The following GATM variants were observed in gnomAD, a reference collection of about 807,000 sequenced individuals.
GATM encodes glycine amidinotransferase.
GATM carries 23 observed loss-of-function variants against 54.2 expected under a neutral mutation model. That is an observed-to-expected ratio of 0.42 (90% CI 0.31 to 0.60). The LOEUF (loss-of-function observed/expected upper bound fraction) is 0.60, where lower values mean the gene tolerates loss of function less well. Among genes scored for constraint, GATM ranks in the 20% least tolerant of loss-of-function variants. GATM has a pLI of 0.14. For synonymous variants in GATM, 168 were observed against 183.1 expected, an observed-to-expected ratio of 0.92 and a Z score of 0.67; for missense variants, 401 against 544.9, an observed-to-expected ratio of 0.74 and a Z score of 2.63.
intron 3 of GATM, among the ~76,000 whole-genome samples, chr15:45,385,919 T>G (rs769480459): frequency 2.6e-5 from 4 of 152,382 alleles, no homozygotes; most frequent in African/African-American, 4.8e-5. Flanking sequence ...GTCTTTGTCC[T>G]GTCATTTCTA....
chr15:45,399,464 A>G (rs1422285411), intron 2 of GATM: 1 of 152,250 alleles, frequency 6.6e-6, no homozygotes, highest in Non-Finnish European at 1.5e-5. Context: ...TAGTGTGCTT[A>G]TAAAAGAAAC....
Position 45,368,161 on chromosome 15 carries a change from G to T in GATM, c.584C>A (p.Ala195Glu). 2.5e-6 allele frequency: 4 copies of T among 1,613,962 alleles called. No individual in the cohort carries two copies. Among genetic ancestry groups the T allele is most frequent in the Non-Finnish European group, 3.4e-6 (4 of 1,179,956 alleles). The change falls in exon 4 of 9, where the codon GCG (alanine) becomes GAG (glutamate). Residue 195 changes from alanine (A) to glutamate (E), a missense_variant. By Grantham distance (107) the Ala-to-Glu change is moderately radical. Transcript: ENST00000396659. The surrounding 1 kb of genome is among the most constrained non-coding windows in gnomAD (Gnocchi z 5.1). ...AWRSRFFEYRAYRSIIKDYFH... is the reference protein window; with the variant it reads ...AWRSRFFEYREYRSIIKDYFH... ...GTAGTCTTTGATAATTGACCTGTAC[G>T]CTCGGTACTCAAAGAAGCGTGAACG... is the stretch of plus-strand genomic sequence containing the variant.
At chr15:45,384,998 C>T (rs1173912785) in intron 3 of GATM, among the ~76,000 whole-genome samples, 1 of 152,178 alleles carries the variant, frequency 6.6e-6, no homozygotes, top group African/African-American at 2.4e-5. Flanking sequence ...GTGAGCCAAC[C>T]TTTCCCTTTC....
At chr15:45,383,251 G>A (rs1274785019), upstream of GATM, among the ~76,000 whole-genome samples, 1 of 152,170 alleles carries the variant, frequency 6.6e-6, no homozygotes, top group Non-Finnish European at 1.5e-5. Flanking sequence ...AGTCATTTTA[G>A]GATTTTTACT....
rs1889405487 is a variant in GATM, at chr15:45,363,913, C to T, written c.1146G>A (p.Met382Ile). ...VDANEVPIQK[M>I]FEKLGITTIK... ...TGTTGTACATACCCAGCTTTTCAAA[C>T]ATCTTTTGAATTGGAACTTCATTGG... is the stretch of plus-strand genomic sequence containing the variant. Residue 382 changes from methionine (M) to isoleucine (I), a missense_variant, in exon 8 of 9, where the codon ATG becomes ATA. Physicochemically the swap from Met to Ile is conservative, Grantham distance 10 (BLOSUM62 1). Around this residue, in one of 3 missense-constraint regions of GATM, gnomAD observed 321 missense variants for 457.5 expected, o/e 0.70. Transcript: ENST00000396659. 1 of 1,604,980 alleles carries T rather than the reference C, an allele frequency of 6.2e-7. No individual in the cohort carries two copies.
chr15:45,385,158 C>T (rs554118129), intron 3 of GATM, among the ~76,000 whole-genome samples: 2 of 152,276 alleles, frequency 1.3e-5, no homozygotes, highest in South Asian at 2.1e-4. Context: ...ATTGGTGCCA[C>T]GAAGATGCCA....
In GATM at chr15:45,362,226, A is replaced by C; in HGVS notation, c.1160-5T>G. On this transcript the variant is annotated splice_polypyrimidine_tract_variant and splice_region_variant and intron_variant, in intron 8 of 8. Coordinates refer to ENST00000396659, the MANE Select transcript of GATM (RefSeq NM_001482.3). Reference sequence around the variant, plus strand: ...TAACTTTAATGGTAGTGATACCTGCATTGAAAGAGAGATGAGGTCAGTTAG... The same window carrying C: ...TAACTTTAATGGTAGTGATACCTGCCTTGAAAGAGAGATGAGGTCAGTTAG... The C allele has an allele frequency of 6.5e-7, 1 of 1,540,580 alleles. No individual in the cohort carries two copies. Among genetic ancestry groups the C allele is most frequent in the Non-Finnish European group, 9.0e-7 (1 of 1,113,142 alleles).
chr15:45,364,217 T>C, intron 7 of GATM: 1 of 576,548 alleles, frequency 1.7e-6, no homozygotes. Context: ...AATTTCACCC[T>C]GTTTTCTTTT....
At chr15:45,363,223 G>A (rs1889395467) in intron 8 of GATM, among the ~76,000 whole-genome samples, 1 of 152,066 alleles carries the variant, frequency 6.6e-6, no homozygotes, top group Non-Finnish European at 1.5e-5. Context: ...AGTGAGCCGA[G>A]GTCACGCCAC....
At chr15:45,378,353 C>T (rs1889678800) in intron 1 of GATM, 32 bp downstream of exon 1, 5 of 1,497,298 alleles carry the variant, frequency 3.3e-6, no homozygotes, top group East Asian at 5.3e-5. Context: ...GTGAGTCACG[C>T]GGCCGCCAGA....
chr15:45,366,621 T>A lies in GATM; in HGVS notation c.676-113A>T, dbSNP rs539493413. ...ACATCATTTCCCAAAATATTACTAC[T>A]CAGTTCTAGACTAAAACATGCCTGG... On this transcript the variant is annotated intron_variant, in intron 4 of 8. Coordinates refer to ENST00000396659, the MANE Select transcript of GATM (RefSeq NM_001482.3). 3 of 1,184,646 alleles carry A rather than the reference T, an allele frequency of 2.5e-6. No individual in the cohort carries two copies. The African/African-American group carries it at 4.5e-5, about 18-fold the overall frequency. 73.4% of individuals were successfully genotyped at this position (1,184,646 alleles called of 1,614,324 possible). A position where few individuals can be genotyped will look rare whatever the true frequency, so the allele number is the denominator to read the frequency against.
At chr15:45,384,531 C>G (rs575882156) in intron 3 of GATM, among the ~76,000 whole-genome samples, 4 of 152,124 alleles carry the variant, frequency 2.6e-5, no homozygotes, top group African/African-American at 9.7e-5. Context: ...AAAGAAGGGA[C>G]AGCAGGAAGG....
intron 3 of GATM, among the ~76,000 whole-genome samples, chr15:45,383,925 C>T (rs776382071): frequency 6.6e-6 from 1 of 152,220 alleles, no homozygotes; most frequent in South Asian, 2.1e-4. Flanking sequence ...CAGATAAGAG[C>T]TTCACATGTT....
chr15:45,366,758 T>C (rs1188265414), intron 4 of GATM, among the ~76,000 whole-genome samples: 2 of 152,226 alleles, frequency 1.3e-5, no homozygotes, highest in Non-Finnish European at 2.9e-5. Flanking sequence ...TCACTTTCCA[T>C]GGTTTCAGTT....
chr15:45,369,772 C>A, intron 2 of GATM: 1 of 492,110 alleles, frequency 2.0e-6, no homozygotes, highest in Non-Finnish European at 3.7e-6. Context: ...ATCTCATGGC[C>A]AACCACTAAC....
intron 2 of GATM, among the ~76,000 whole-genome samples, chr15:45,370,856 C>T (rs376619647): frequency 1.3e-5 from 2 of 152,158 alleles, no homozygotes; most frequent in Admixed American, 6.5e-5. Flanking sequence ...CTGCAACCTC[C>T]GCCTCCCACC....
At chr15:45,374,928 T>C (rs1889604689) in intron 2 of GATM, among the ~76,000 whole-genome samples, 1 of 152,184 alleles carries the variant, frequency 6.6e-6, no homozygotes, top group Non-Finnish European at 1.5e-5. Context: ...TGTAACCCAT[T>C]ATTAATAGGA....
intron 2 of GATM, among the ~76,000 whole-genome samples, chr15:45,371,001 C>T (rs1889533780): frequency 6.6e-6 from 1 of 152,206 alleles, no homozygotes; most frequent in Admixed American, 6.5e-5. Flanking sequence ...TCTCAATCTC[C>T]TGACCTCGTG....
chr15:45,400,921 G>T (rs1405133392), intron 1 of GATM, among the ~76,000 whole-genome samples: 4 of 152,038 alleles, frequency 2.6e-5, no homozygotes, highest in Admixed American at 2.6e-4. Flanking sequence ...AAAATAACTT[G>T]ATAGGCATGT....
Sources: gnomAD v4.1 joint callset for allele counts (sites outside exome capture counted in the v4.1 genomes callset) on GRCh38, gnomAD v4.1.1 for gene constraint, gnomAD v4.1.1 regional missense constraint, Gnocchi (gnomAD v3.1) non-coding constraint, MANE v1.5 for transcripts, NCBI Gene and HGNC (gene_info 2026-07-23, HGNC 2026-07-21) for gene names.